The following GALNT14 variants were observed in gnomAD, a reference collection of about 807,000 sequenced individuals.
GALNT14 encodes UDP-GalNAc:polypeptide N-acetylgalactosaminyltransferase 14.
GALNT14 carries 60 observed loss-of-function variants against 77.5 expected under a neutral mutation model. The ratio of observed to expected loss-of-function variants is 0.77; its 90% CI spans 0.63 to 0.96. GALNT14 has a LOEUF of 0.96. GALNT14 is among the 40% of genes least tolerant of loss of function. The pLI is 0.00. For synonymous variants in GALNT14, 280 were observed against 281.7 expected, an observed-to-expected ratio of 0.99 and a Z score of 0.06; for missense variants, 710 against 731.0, an observed-to-expected ratio of 0.97 and a Z score of 0.33.
intron 6 of GALNT14, among the ~76,000 whole-genome samples, chr2:30,952,347 C>T (rs887233061): frequency 3.3e-5 from 5 of 151,442 alleles, no homozygotes; most frequent in Non-Finnish European, 5.9e-5. Flanking sequence ...ATAGCAAAGA[C>T]GTGGAACCAA....
intron 1 of GALNT14, chr2:31,129,306 G>A: frequency 5.9e-6 from 5 of 849,604 alleles, no homozygotes; most frequent in Non-Finnish European, 7.1e-6. Flanking sequence ...GATCAAATGA[G>A]GCAACTGTGG....
In GALNT14 at chr2:30,955,700, TG is replaced by T; in HGVS notation, c.571del (p.Gln191ArgfsTer5). 2 of 1,614,182 alleles carry T rather than the reference TG, an allele frequency of 1.2e-6. No homozygotes were observed. The highest frequency in any genetic ancestry group is 1.7e-6 in the Non-Finnish European group (2 of 1,180,028). ...RSRIRGADIA[Q>X]GTTLTFLDSH... is the part of the protein sequence containing the mutation. Reference sequence around the variant, plus strand: ...GTCGAGGAAAGTCAGAGTGGTGCCCTGGGCGATGTCAGCGCCCCGAATCCGG... The same window carrying T: ...GTCGAGGAAAGTCAGAGTGGTGCCCTGGCGATGTCAGCGCCCCGAATCCGG... On this transcript the variant is annotated frameshift_variant, in exon 6 of 15. Coordinates refer to ENST00000349752, the MANE Select transcript of GALNT14 (RefSeq NM_024572.4). LOFTEE classifies it high-confidence loss of function.
intron 1 of GALNT14, among the ~76,000 whole-genome samples, chr2:31,003,454 G>A (rs1483170579): frequency 6.6e-6 from 1 of 152,166 alleles, no homozygotes; most frequent in Non-Finnish European, 1.5e-5. Flanking sequence ...TCTGCTAAGA[G>A]TTGCTCTGCT....
intron 1 of GALNT14, among the ~76,000 whole-genome samples, chr2:31,035,496 C>T (rs1312904447): frequency 6.6e-6 from 1 of 150,596 alleles, no homozygotes; most frequent in African/African-American, 2.4e-5. Context: ...GTGTGTCTCC[C>T]AATAGCAAAG....
intron 1 of GALNT14, among the ~76,000 whole-genome samples, chr2:31,079,579 C>A (rs1676028120): frequency 6.6e-6 from 1 of 152,162 alleles, no homozygotes; most frequent in East Asian, 1.9e-4. Context: ...TTATGATTCT[C>A]CTGCCCAGCC....
rs73924419 is a variant in GALNT14, at chr2:31,125,151, T to C, written c.129+12807A>G. The C allele has an allele frequency of 6.0e-3, 9,252 of 1,547,598 alleles. 507 individuals carry two copies. In the African/African-American group the frequency reaches 0.11, roughly 19 times the overall value. ...CACTCCTGGGGACACACAGTCAACCTACCTGTAGGAAGATGCCCTCTTTGG... is the reference window on the plus strand; with the variant it reads ...CACTCCTGGGGACACACAGTCAACCCACCTGTAGGAAGATGCCCTCTTTGG... On this transcript the variant is annotated intron_variant, in intron 1 of 14. Coordinates refer to ENST00000349752, the MANE Select transcript of GALNT14 (RefSeq NM_024572.4).
intron 6 of GALNT14, among the ~76,000 whole-genome samples, chr2:30,948,330 T>C (rs1453226021): frequency 6.6e-6 from 1 of 152,216 alleles, no homozygotes; most frequent in Non-Finnish European, 1.5e-5. Context: ...GGAGGTAACC[T>C]CTAACCCCTT....
intron 1 of GALNT14, among the ~76,000 whole-genome samples, chr2:31,072,041 A>C (rs2148564927): frequency 6.6e-6 from 1 of 152,222 alleles, no homozygotes; most frequent in Admixed American, 6.5e-5. Context: ...AGAAGAGGGC[A>C]TGGGGAGGAG....
At chr2:31,016,130 C>G (rs928930092) in intron 1 of GALNT14, among the ~76,000 whole-genome samples, 15 of 152,220 alleles carry the variant, frequency 9.9e-5, no homozygotes, top group African/African-American at 3.6e-4. Context: ...TTTCTCACAG[C>G]TCTGGACGCT....
rs566095584 is a variant in GALNT14 at position 31,089,734 on chromosome 2, A to C, written c.129+48224T>G. On this transcript the variant is annotated intron_variant, in intron 1 of 14. Coordinates refer to ENST00000349752, the MANE Select transcript of GALNT14 (RefSeq NM_024572.4). ...TATTTTTAATGAAACAAAAAGCACCAGATCTGACAGGTAATGCTAGGGAGC... is the reference window on the plus strand; with the variant it reads ...TATTTTTAATGAAACAAAAAGCACCCGATCTGACAGGTAATGCTAGGGAGC... Among the ~76,000 whole-genome samples the C allele has an allele frequency of 2.6e-5, 4 of 152,304 alleles. No homozygotes were observed. The South Asian group carries it at 8.3e-4, about 32-fold the overall frequency.
chr2:31,121,355 G>T (rs1278237316), intron 1 of GALNT14, among the ~76,000 whole-genome samples: 1 of 152,148 alleles, frequency 6.6e-6, no homozygotes, highest in East Asian at 1.9e-4. Flanking sequence ...CGCTCATTTA[G>T]GCCAGAAGGG....
chr2:30,966,578 G>A (rs913961470), intron 2 of GALNT14, among the ~76,000 whole-genome samples: 13 of 152,172 alleles, frequency 8.5e-5, no homozygotes, highest in Non-Finnish European at 1.8e-4. Flanking sequence ...AATAAGTGTG[G>A]TATTTCTTGC....
intron 1 of GALNT14, chr2:31,078,976 A>G: frequency 7.8e-7 from 1 of 1,289,220 alleles, no homozygotes; most frequent in African/African-American, 1.5e-5. Flanking sequence ...CATGCCTGGG[A>G]GGGAGAGCAG....
chr2:30,942,090 A>C, intron 9 of GALNT14, 111 bp downstream of exon 9: 1 of 696,734 alleles, frequency 1.4e-6, no homozygotes, highest in Non-Finnish European at 2.5e-6. Flanking sequence ...CATCCAAAGC[A>C]CGTGTCACTC....
intron 1 of GALNT14, among the ~76,000 whole-genome samples, chr2:31,096,713 T>C (rs552573963): frequency 5.3e-5 from 8 of 152,300 alleles, no homozygotes; most frequent in South Asian, 2.1e-4. Flanking sequence ...TGGTTTAATA[T>C]TGGAGTCTTC....
intron 4 of GALNT14, 117 bp from the exon 5 acceptor site, chr2:30,956,094 T>C: frequency 1.0e-6 from 1 of 955,046 alleles, no homozygotes; most frequent in South Asian, 1.4e-5. Flanking sequence ...CACTGTCCCC[T>C]AACTGCAGAG....
At chr2:30,974,562 T>C (rs1311908023) in intron 2 of GALNT14, among the ~76,000 whole-genome samples, 1 of 152,246 alleles carries the variant, frequency 6.6e-6, no homozygotes, top group African/African-American at 2.4e-5. Flanking sequence ...TCTGGAACTT[T>C]GCAAGTGCTG....
chr2:30,999,545 G>A (rs1045195534), intron 1 of GALNT14, among the ~76,000 whole-genome samples: 7 of 152,220 alleles, frequency 4.6e-5, no homozygotes, highest in African/African-American at 1.7e-4. Flanking sequence ...ACCAACTGAA[G>A]TCAGATGGGT....
intron 1 of GALNT14, among the ~76,000 whole-genome samples, chr2:31,084,237 G>A (rs1447367588): frequency 6.6e-6 from 1 of 152,192 alleles, no homozygotes; most frequent in Admixed American, 6.5e-5. Flanking sequence ...TCAGAGAGGT[G>A]GAAACTGAGG....
Sources: gnomAD v4.1 joint callset for allele counts (sites outside exome capture counted in the v4.1 genomes callset) on GRCh38, gnomAD v4.1.1 for gene constraint, MANE v1.5 for transcripts, NCBI Gene and HGNC (gene_info 2026-07-23, HGNC 2026-07-21) for gene names.